BCORL1: variants seen among roughly 807,000 people sequenced by gnomAD.
BCORL1 encodes the protein BCL6 corepressor like 1, also known as BCL-6 corepressor-like protein 1.
Under a neutral mutation model 87.6 loss-of-function variants are expected in BCORL1, and 7 were observed. That is an observed-to-expected ratio of 0.08 (90% CI 0.05 to 0.15). The LOEUF (loss-of-function observed/expected upper bound fraction) is 0.15. Among genes scored for constraint, BCORL1 ranks in the 10% least tolerant of loss-of-function variants. The pLI is 1.00. For synonymous variants in BCORL1, 591 were observed against 634.4 expected (o/e 0.93, Z 1.03); for missense variants, 1,215 against 1,499.7 (o/e 0.81, Z 3.13).
At position 130,013,826 on chromosome X, in the gene BCORL1, C is replaced by T; in HGVS notation, c.1054C>T (p.Pro352Ser). The change falls in exon 4 of 14, where the codon CCT becomes TCT. Residue 352 changes from proline (P) to serine (S), a missense_variant. Coordinates refer to ENST00000540052, the MANE Select transcript of BCORL1 (RefSeq NM_001379451.1). Reference protein sequence around the residue: ...PASTPPAAPAPPSVPMPTPTP... With the variant: ...PASTPPAAPASPSVPMPTPTP... ...ATCCACGCCTCCAGCGGCCCCTGCCCCTCCGTCTGTGCCCATGCCCACTCC... is the reference window on the plus strand; with the variant it reads ...ATCCACGCCTCCAGCGGCCCCTGCCTCTCCGTCTGTGCCCATGCCCACTCC... 1 of 1,168,962 alleles carries T rather than the reference C, an allele frequency of 8.6e-7. No individual in the cohort carries two copies. Among genetic ancestry groups the T allele is most frequent in the Non-Finnish European group, 1.1e-6 (1 of 874,316 alleles).
At chrX:130,001,083 T>A (rs1185195953) in intron 1 of BCORL1, among the ~76,000 whole-genome samples, 1 of 111,405 alleles carries the variant, frequency 9.0e-6, no homozygotes, top group East Asian at 2.8e-4. Context: ...GATGCTTTTT[T>A]TTTCTTTTTC....
chrX:130,039,096 C>A, intron 10 of BCORL1, 41 bp from the exon 11 acceptor site: 4 of 1,201,556 alleles, frequency 3.3e-6, no homozygotes, highest in Non-Finnish European at 4.5e-6. Context: ...CCCCAGTTCC[C>A]ACTTGGGCCC....
At chrX:130,017,302 C>G (rs948230030) in intron 4 of BCORL1, among the ~76,000 whole-genome samples, 49 of 110,838 alleles carry the variant, frequency 4.4e-4, no homozygotes, top group Admixed American at 4.8e-4. Context: ...TCACAACCAC[C>G]CTGGTATGTC....
intron 9 of BCORL1, 42 bp from the exon 10 acceptor site, chrX:130,037,325 T>G (rs1198781979): frequency 8.4e-7 from 1 of 1,184,655 alleles, no homozygotes; most frequent in Non-Finnish European, 1.1e-6. Flanking sequence ...AGTTCAAGAA[T>G]TAGACCTCTC....
At position 130,057,452 on chromosome X, in the gene BCORL1, C is replaced by T. The variant is rs1169428604; in HGVS notation, c.*1316C>T. On this transcript the variant is annotated 3_prime_UTR_variant, in exon 14 of 14. Coordinates refer to ENST00000540052, the MANE Select transcript of BCORL1 (RefSeq NM_001379451.1). ...GGTTGCTTCCCTGTCCCCGCCCCCT[C>T]TGTGGCATTGTCCCTCCCACTCTTA... 1 of 111,922 alleles carries T rather than the reference C, an allele frequency of 8.9e-6. No homozygotes were observed. Among genetic ancestry groups the T allele is most frequent in the Non-Finnish European group, 1.9e-5 (1 of 53,163 alleles). 9.2% of individuals were successfully genotyped at this position (111,922 alleles called of 1,213,427 possible).
chrX:130,028,077 G>T (rs1930354226), intron 7 of BCORL1, among the ~76,000 whole-genome samples: 1 of 112,252 alleles, frequency 8.9e-6, no homozygotes, highest in South Asian at 3.7e-4. Context: ...CAGCTAGGTA[G>T]GCTCATGATG....
intron 4 of BCORL1, among the ~76,000 whole-genome samples, chrX:130,018,411 G>C (rs1188503152): frequency 8.9e-6 from 1 of 111,985 alleles, no homozygotes; most frequent in South Asian, 3.7e-4. Context: ...TGGTTACATA[G>C]CTCTATGACT....
chrX:130,003,222 C>T lies in BCORL1; in HGVS notation c.-44-1966C>T, dbSNP rs564622233. 1.4e-4 allele frequency among the ~76,000 whole-genome samples: 16 copies of T among 111,283 alleles called. 1 individual carries two copies. In the South Asian group the frequency reaches 4.9e-3, roughly 34 times the overall value. On this transcript the variant is annotated intron_variant, in intron 1 of 13. Coordinates refer to ENST00000540052, the MANE Select transcript of BCORL1 (RefSeq NM_001379451.1). The stretch of plus-strand genomic sequence containing the variant: ...TATCCACGTGGCTACTCCTTTACCT[C>T]ATTCCGATGGTTTAAATGTCTCCTT...
chrX:130,014,962 G>A lies in BCORL1; in HGVS notation c.2190G>A (p.Leu730=), dbSNP rs1271991909. 1.7e-6 allele frequency: 2 copies of A among 1,209,616 alleles called. No homozygotes were observed. The highest frequency in any genetic ancestry group is 5.9e-5 in the East Asian group (2 of 33,736). The change falls in exon 4 of 14, where the codon CTG becomes CTA. Residue 730 remains leucine, a synonymous_variant. Coordinates refer to ENST00000540052, the MANE Select transcript of BCORL1 (RefSeq NM_001379451.1). ...ACCCAGTGCCTGCATCCCTGCTGCT[G>A]AACAAAGACCCCAACCTGGGCCTCA... ...VANPVPASLL[L]NKDPNLGLNR...
intron 8 of BCORL1, among the ~76,000 whole-genome samples, chrX:130,030,425 C>T (rs1306799895): frequency 9.0e-6 from 1 of 111,402 alleles, no homozygotes; most frequent in Admixed American, 9.6e-5. Flanking sequence ...CCTTTATTAT[C>T]CTCATTTTGT....
At position 130,005,259 on chromosome X, in the gene BCORL1, G is replaced by C; in HGVS notation, c.28G>C (p.Gly10Arg). The change falls in exon 2 of 14, where the codon GGC becomes CGC. Residue 10 changes from glycine to arginine, a missense_variant. Physicochemically the swap from Gly to Arg is moderately radical, Grantham distance 125. Around this residue, in one of 5 missense-constraint regions of BCORL1, gnomAD observed 861 missense variants for 1,010.0 expected, o/e 0.85. Transcript: ENST00000540052. The stretch of plus-strand genomic sequence containing the variant: ...GATCTCTACAGCACCGCTCTACAGC[G>C]GCGTGCACAACTGGACCAGTTCTGA... MISTAPLYS[G>R]VHNWTSSDRI... 1 of 1,211,680 alleles carries C rather than the reference G, an allele frequency of 8.3e-7. No homozygotes were observed. Among genetic ancestry groups the C allele is most frequent in the Non-Finnish European group, 1.1e-6 (1 of 895,419 alleles).
At chrX:129,998,622 TG>T (rs1309704804) in intron 1 of BCORL1, among the ~76,000 whole-genome samples, 2 of 112,162 alleles carry the variant, frequency 1.8e-5, no homozygotes, top group Non-Finnish European at 3.8e-5. Context: ...TGATTCTGGC[TG>T]GGGAAACATT....
At chrX:130,025,727 G>C (rs1373228066) in intron 7 of BCORL1, among the ~76,000 whole-genome samples, 1 of 110,854 alleles carries the variant, frequency 9.0e-6, no homozygotes, top group Non-Finnish European at 1.9e-5. Flanking sequence ...CTTTTGGGAG[G>C]ACGGGTTCTC....
At chrX:130,012,091 T>C (rs1271238093) in intron 2 of BCORL1, among the ~76,000 whole-genome samples, 1 of 111,751 alleles carries the variant, frequency 8.9e-6, no homozygotes, top group Non-Finnish European at 1.9e-5. Context: ...GGTTTATTTG[T>C]TTTAGAAGAG....
chrX:130,014,920 C>T lies in BCORL1; in HGVS notation c.2148C>T (p.Thr716=). ...STALISTIPG[T]YVGVANPVPA... ...CACTGATCAGCACCATTCCTGGCAC[C>T]TACGTGGGAGTGGCCAACCCAGTGC... Residue 716 remains threonine, a synonymous_variant, in exon 4 of 14, where the codon ACC becomes ACT. Coordinates refer to ENST00000540052, the MANE Select transcript of BCORL1 (RefSeq NM_001379451.1). The T allele has an allele frequency of 1.7e-6, 2 of 1,211,726 alleles. No homozygotes were observed. Among genetic ancestry groups the T allele is most frequent in the East Asian group, 3.0e-5 (1 of 33,837 alleles).
chrX:130,019,586 G>T (rs1929661061), intron 4 of BCORL1, among the ~76,000 whole-genome samples: 1 of 111,754 alleles, frequency 8.9e-6, no homozygotes, highest in Non-Finnish European at 1.9e-5. Flanking sequence ...TAAGAAGCAG[G>T]AAGAGTTCAT....
chrX:130,022,236 C>CTTTTTTTTTTTTTTTTTTTT (rs34598574), intron 5 of BCORL1, among the ~76,000 whole-genome samples: 1 of 56,335 alleles, frequency 1.8e-5, no homozygotes, highest in African/African-American at 7.5e-5. Flanking sequence ...TTCTTTCTTT[C>CTTTTTTTTTTTTTTTTTTTT]TTTTTTTTTT....
rs752641598 is a variant in BCORL1, at chrX:130,012,981, A to G, written c.209A>G (p.Asn70Ser). 1.7e-6 allele frequency: 2 copies of G among 1,199,715 alleles called. No homozygotes were observed. Among genetic ancestry groups the G allele is most frequent in the African/African-American group, 1.7e-5 (1 of 57,766 alleles). The change falls in exon 4 of 14, where the codon AAT becomes AGT. Residue 70 changes from asparagine to serine, a missense_variant. By Grantham distance (46) the Asn-to-Ser change is conservative (BLOSUM62 1). Around this residue, in one of 5 missense-constraint regions of BCORL1, gnomAD observed 861 missense variants for 1,010.0 expected, o/e 0.85. Transcript: ENST00000540052. ...CTCACGGCAGTTGGAAGTGGCAGCAATGCCCGGGGGGCAGACCCAGATGGC... is the reference window on the plus strand; with the variant it reads ...CTCACGGCAGTTGGAAGTGGCAGCAGTGCCCGGGGGGCAGACCCAGATGGC... Reference protein sequence around the residue: ...VELTAVGSGSNARGADPDGSA... With the variant: ...VELTAVGSGSSARGADPDGSA...
In BCORL1 at chrX:130,014,935, C is replaced by T; in HGVS notation, c.2163C>T (p.Ala721=). 1.7e-6 allele frequency: 2 copies of T among 1,211,590 alleles called. No homozygotes were observed. Among genetic ancestry groups the T allele is most frequent in the Non-Finnish European group, 2.2e-6 (2 of 895,374 alleles). The change falls in exon 4 of 14, where the codon GCC becomes GCT. Residue 721 remains alanine, a synonymous_variant. Transcript: ENST00000540052. ...STIPGTYVGV[A]NPVPASLLLN... ...TTCCTGGCACCTACGTGGGAGTGGC[C>T]AACCCAGTGCCTGCATCCCTGCTGC...
Sources: gnomAD v4.1 joint callset for allele counts (sites outside exome capture counted in the v4.1 genomes callset) on GRCh38, gnomAD v4.1.1 for gene constraint, gnomAD v4.1.1 regional missense constraint, MANE v1.5 for transcripts, NCBI Gene and HGNC (gene_info 2026-07-23, HGNC 2026-07-21) for gene names.